Variants in SF3B3 observed in about 807,000 individuals in gnomAD.
SF3B3 encodes the protein SAP 130.
Under a neutral mutation model 139.2 loss-of-function variants are expected in SF3B3, and 33 were observed. The observed-to-expected ratio is 0.24, with a 90% confidence interval of 0.18 to 0.32. SF3B3 has a LOEUF of 0.32. SF3B3 is among the 10% of genes least tolerant of loss of function. SF3B3 has a pLI of 1.00. For missense variants in SF3B3, 818 were observed against 1,509.4 expected (o/e 0.54, Z 7.59); for synonymous variants, 596 against 563.6 (o/e 1.06, Z -0.81).
At chr16:70,563,560 A>G (rs1449273583) in intron 17 of SF3B3, among the ~76,000 whole-genome samples, 1 of 152,202 alleles carries the variant, frequency 6.6e-6, no homozygotes, top group African/African-American at 2.4e-5. Flanking sequence ...AGTGTTTCAC[A>G]ACAAATTTGG....
At chr16:70,571,526 C>T in intron 25 of SF3B3, 147 bp from the exon 26 acceptor site, 2 of 836,360 alleles carry the variant, frequency 2.4e-6, no homozygotes, top group Non-Finnish European at 3.6e-6. Flanking sequence ...GATTATCCCA[C>T]TGCACTGCAA....
chr16:70,543,601 G>A (rs1053434489), intron 9 of SF3B3, among the ~76,000 whole-genome samples: 1 of 151,868 alleles, frequency 6.6e-6, no homozygotes, highest in African/African-American at 2.4e-5. Context: ...CCAGCTACTT[G>A]GGAGGTCGAG....
intron 2 of SF3B3, among the ~76,000 whole-genome samples, chr16:70,528,223 A>G (rs2050084118): frequency 8.0e-6 from 1 of 125,486 alleles, no homozygotes; most frequent in Admixed American, 1.0e-4. Flanking sequence ...GGAGTACAGT[A>G]GTGCGACCTC....
rs1221030074 is a variant in SF3B3, at chr16:70,555,125, A to G, written c.1629A>G (p.Thr543=). Residue 543 remains threonine, a synonymous_variant, in exon 13 of 26, where the codon ACA becomes ACG. Coordinates refer to ENST00000302516, the MANE Select transcript of SF3B3 (RefSeq NM_012426.5). ...AGTGGAAGACCCCTGGAAAGAAAACAATTGTGAAGTGTGCAGTGAACCAGC... is the reference window on the plus strand; with the variant it reads ...AGTGGAAGACCCCTGGAAAGAAAACGATTGTGAAGTGTGCAGTGAACCAGC... The part of the protein sequence containing the change: ...VNEWKTPGKK[T]IVKCAVNQRQ... 2 of 1,614,154 alleles carry G rather than the reference A, an allele frequency of 1.2e-6. No homozygotes were observed. The highest frequency in any genetic ancestry group is 1.7e-6 in the Non-Finnish European group (2 of 1,179,996).
chr16:70,531,645 T>C (rs890037757), intron 4 of SF3B3, among the ~76,000 whole-genome samples: 3 of 152,372 alleles, frequency 2.0e-5, no homozygotes, highest in African/African-American at 7.2e-5. Flanking sequence ...CTGAAATTCT[T>C]TGGGATGCTT....
In SF3B3 at chr16:70,530,870, G is replaced by A; in HGVS notation, c.523G>A (p.Val175Ile). The change falls in exon 4 of 26, where the codon GTC (valine) becomes ATC (isoleucine). Residue 175 changes from valine to isoleucine, a missense_variant. Transcript: ENST00000302516. ...AGTGTATCATGTAGTTGGAGTAGATGTCGGATTTGAAAATCCAATGTTTGC... is the reference window on the plus strand; with the variant it reads ...AGTGTATCATGTAGTTGGAGTAGATATCGGATTTGAAAATCCAATGTTTGC... ...TLVYHVVGVD[V>I]GFENPMFACL... 6.2e-7 allele frequency: 1 copy of A among 1,613,772 alleles called. No individual in the cohort carries two copies. Among genetic ancestry groups the A allele is most frequent in the South Asian group, 1.1e-5 (1 of 90,968 alleles).
intron 15 of SF3B3, among the ~76,000 whole-genome samples, chr16:70,557,997 A>G (rs941992044): frequency 1.3e-5 from 2 of 152,188 alleles, no homozygotes; most frequent in African/African-American, 4.8e-5. Context: ...TCAGCATAGC[A>G]GTCTACGCTT....
chr16:70,546,703 A>G (rs2050271748), intron 10 of SF3B3, among the ~76,000 whole-genome samples: 1 of 151,352 alleles, frequency 6.6e-6, no homozygotes, highest in Non-Finnish European at 1.5e-5. Context: ...TAAGAGATAA[A>G]TGACTCAAGA....
chr16:70,542,449 T>G (rs2050228254), intron 9 of SF3B3, among the ~76,000 whole-genome samples: 1 of 152,192 alleles, frequency 6.6e-6, no homozygotes, highest in Non-Finnish European at 1.5e-5. Flanking sequence ...GTGTCTCTCA[T>G]TGCTGGTGCT....
chr16:70,544,582 G>T, intron 10 of SF3B3, 49 bp downstream of exon 10: 1 of 1,053,066 alleles, frequency 9.5e-7, no homozygotes, highest in South Asian at 1.3e-5. Context: ...GGGAAGCACT[G>T]ACAAAGTAGT....
intron 11 of SF3B3, 87 bp downstream of exon 11, chr16:70,548,529 G>GT (rs1333474466): frequency 9.7e-5 from 113 of 1,162,212 alleles, no homozygotes; most frequent in African/African-American, 1.4e-4. Flanking sequence ...TAATACTTCT[G>GT]TATCATTTCA....
chr16:70,548,162 G>C (rs575321406), intron 10 of SF3B3, among the ~76,000 whole-genome samples: 1 of 152,212 alleles, frequency 6.6e-6, no homozygotes. Flanking sequence ...CAGACATCCT[G>C]TAACTTTTGC....
intron 7 of SF3B3, 107 bp downstream of exon 7, chr16:70,538,567 C>T (rs1238505858): frequency 6.2e-6 from 6 of 960,206 alleles, no homozygotes; most frequent in African/African-American, 3.3e-5. Context: ...AGTAGTTGCC[C>T]TTGGAACCGG....
chr16:70,556,286 T>C lies in SF3B3; in HGVS notation c.1818T>C (p.Ala606=). The C allele has an allele frequency of 6.2e-7, 1 of 1,614,226 alleles. No homozygotes were observed. Among genetic ancestry groups the C allele is most frequent in the East Asian group, 2.2e-5 (1 of 44,888 alleles). The part of the protein sequence containing the change: ...PPGEQRSRFL[A]VGLVDNTVRI... ...GAGAGCAGCGGTCTCGCTTCCTGGC[T>C]GTGGGGCTTGTGGACAACACTGTCA... Residue 606 remains alanine, a synonymous_variant, in exon 14 of 26, where the codon GCT becomes GCC. Transcript: ENST00000302516.
At chr16:70,565,018 C>A in intron 18 of SF3B3, 47 bp from the exon 19 acceptor site, 1 of 1,585,792 alleles carries the variant, frequency 6.3e-7, no homozygotes, top group South Asian at 1.1e-5. Flanking sequence ...TCAGCCAGCC[C>A]CTACCTCTGA....
At chr16:70,534,476 T>C (rs769194254) in intron 5 of SF3B3, among the ~76,000 whole-genome samples, 5 of 152,140 alleles carry the variant, frequency 3.3e-5, no homozygotes, top group Admixed American at 2.6e-4. Context: ...CATTAAGAGA[T>C]ACTGGTAGCT....
At position 70,554,168 on chromosome 16, in the gene SF3B3, G is replaced by A. The variant is rs1335254573; in HGVS notation, c.1403-278G>A. Reference sequence around the variant, plus strand: ...GTATCAATATTGTAGTATTTAAAATGTCCTCATGTCTCCGATTCTCTTGCT... The same window carrying A: ...GTATCAATATTGTAGTATTTAAAATATCCTCATGTCTCCGATTCTCTTGCT... On this transcript the variant is annotated intron_variant, in intron 11 of 25. Coordinates refer to ENST00000302516, the MANE Select transcript of SF3B3 (RefSeq NM_012426.5). 9 of 298,262 alleles carry A rather than the reference G, an allele frequency of 3.0e-5. No individual in the cohort carries two copies. The East Asian group carries it at 3.7e-4, about 12-fold the overall frequency. 18.5% of individuals were successfully genotyped at this position (298,262 alleles called of 1,614,324 possible). A position where few individuals can be genotyped will look rare whatever the true frequency, so the allele number is the denominator to read the frequency against.
chr16:70,537,325 G>A (rs1399552643), intron 6 of SF3B3, among the ~76,000 whole-genome samples: 3 of 152,046 alleles, frequency 2.0e-5, no homozygotes, highest in Admixed American at 6.6e-5. Flanking sequence ...TCATTGTAAC[G>A]GTATTGTTTC....
chr16:70,555,255 G>A, intron 13 of SF3B3, 49 bp downstream of exon 13: 1 of 1,514,598 alleles, frequency 6.6e-7, no homozygotes. Flanking sequence ...GGACCAGAGG[G>A]AAAGATGGGC....
Sources: allele counts gnomAD v4.1 joint callset (sites outside exome capture counted in the v4.1 genomes callset), GRCh38; gene constraint gnomAD v4.1.1; transcripts MANE v1.5; gene names NCBI Gene and HGNC (gene_info 2026-07-23, HGNC 2026-07-21).